The following TAX1BP1 variants were observed in gnomAD, a reference collection of about 807,000 sequenced individuals.
TAX1BP1 encodes the protein Tax1 binding protein 1, also known as tax1-binding protein 1.
A neutral mutation model predicts 97.7 loss-of-function variants in TAX1BP1; 62 were observed. The observed-to-expected ratio is 0.63, with a 90% confidence interval of 0.52 to 0.78. The LOEUF (loss-of-function observed/expected upper bound fraction) is 0.78, where lower values mean the gene tolerates loss of function less well. TAX1BP1 is among the 30% of genes least tolerant of loss of function. The pLI, the probability that TAX1BP1 is intolerant of heterozygous loss-of-function variation, is 0.00. For missense variants in TAX1BP1, 867 were observed against 916.1 expected (o/e 0.95, Z 0.69); for synonymous variants, 340 against 304.2 (o/e 1.12, Z -1.23).
intron 15 of TAX1BP1, among the ~76,000 whole-genome samples, chr7:27,819,440 A>G (rs1406135817): frequency 2.6e-5 from 4 of 152,178 alleles, no homozygotes; most frequent in East Asian, 1.9e-4. Context: ...GATTTTCACA[A>G]TGTGGCACTT....
At chr7:27,812,741 T>C (rs543056388) in intron 13 of TAX1BP1, among the ~76,000 whole-genome samples, 9 of 152,324 alleles carry the variant, frequency 5.9e-5, no homozygotes, top group African/African-American at 1.9e-4. Context: ...TTTTCCTCCA[T>C]AGAATTTCCT....
chr7:27,812,764 G>A, intron 13 of TAX1BP1, among the ~76,000 whole-genome samples: 1 of 151,986 alleles, frequency 6.6e-6, no homozygotes, highest in Non-Finnish European at 1.5e-5. Context: ...ACATCTTGAG[G>A]TATTTTAAAT....
At chr7:27,801,592 C>T (rs2128320574) in intron 13 of TAX1BP1, among the ~76,000 whole-genome samples, 1 of 152,228 alleles carries the variant, frequency 6.6e-6, no homozygotes, top group Non-Finnish European at 1.5e-5. Context: ...ACATAAGGCA[C>T]AGTGCTATGC....
intron 15 of TAX1BP1, among the ~76,000 whole-genome samples, chr7:27,824,476 T>C (rs1198215438): frequency 7.1e-6 from 1 of 141,162 alleles, no homozygotes; most frequent in Non-Finnish European, 1.5e-5. Context: ...ATTGCTGGAG[T>C]CCAGGAGGTC....
Position 27,785,389 on chromosome 7 carries a change from C to T in TAX1BP1, c.762-10C>T, listed in dbSNP as rs1296951118. The stretch of plus-strand genomic sequence containing the variant: ...AACATTATAATGTTACTTTATCATA[C>T]CTATCTTAGTTTAAAGGACAAACTC... On this transcript the variant is annotated splice_polypyrimidine_tract_variant and intron_variant, in intron 6 of 16. Coordinates refer to ENST00000396319, the MANE Select transcript of TAX1BP1 (RefSeq NM_006024.7). 3 of 1,605,722 alleles carry T rather than the reference C, an allele frequency of 1.9e-6. No homozygotes were observed. In the African/African-American group the frequency reaches 4.0e-5, roughly 22 times the overall value.
At chr7:27,748,079 GGAAATGTTAATT>G (rs1376938413) in intron 1 of TAX1BP1, among the ~76,000 whole-genome samples, 1 of 152,030 alleles carries the variant, frequency 6.6e-6, no homozygotes, top group Non-Finnish European at 1.5e-5. Flanking sequence ...TACATAGGAA[GGAAATGTTAATT>G]GACCCATAGC....
Position 27,829,148 on chromosome 7 carries a change from C to T in TAX1BP1, c.*319C>T, listed in dbSNP as rs183483565. 1.4e-4 allele frequency: 30 copies of T among 215,694 alleles called. No individual in the cohort carries two copies. The highest frequency in any genetic ancestry group is 2.1e-4 in the East Asian group (2 of 9,728). The allele number at this position is 215,694 out of a possible 1,614,324, so 13.4% of individuals were successfully genotyped here. ...ATTTCAATGTTACTGCACTGAAAAACGTGTATGTATTAGTGTGCTAGATTA... is the reference window on the plus strand; with the variant it reads ...ATTTCAATGTTACTGCACTGAAAAATGTGTATGTATTAGTGTGCTAGATTA... On this transcript the variant is annotated 3_prime_UTR_variant, in exon 17 of 17. Transcript: ENST00000396319.
chr7:27,827,614 T>C (rs749850814), intron 15 of TAX1BP1, 124 bp from the exon 16 acceptor site: 59 of 699,456 alleles, frequency 8.4e-5, no homozygotes, highest in Non-Finnish European at 1.3e-4. Flanking sequence ...AATTAAATGA[T>C]AGCAGAGAGA....
rs527744414 is a variant in TAX1BP1, at chr7:27,742,497, TCATAGATTAA to T, written c.-8+2231_-8+2240del. Among the ~76,000 whole-genome samples, 1,002 of 152,270 alleles carry T rather than the reference TCATAGATTAA, an allele frequency of 6.6e-3. 13 individuals are homozygous for T. The highest frequency in any genetic ancestry group is 0.023 in the African/African-American group (954 of 41,544). ...AGAGAGCACGGGGTTGGTGGTAAGG[TCATAGATTAA>T]CAGAATCTCAAGGCAGAATAATTTT... is the stretch of plus-strand genomic sequence containing the variant. On this transcript the variant is annotated intron_variant, in intron 1 of 16. Coordinates refer to ENST00000396319, the MANE Select transcript of TAX1BP1 (RefSeq NM_006024.7).
intron 5 of TAX1BP1, among the ~76,000 whole-genome samples, chr7:27,771,154 C>A (rs1394860229): frequency 1.7e-5 from 1 of 59,936 alleles, no homozygotes; most frequent in Non-Finnish European, 3.3e-5. Flanking sequence ...AATTCTCTTG[C>A]TGCTTTGTGT....
At chr7:27,825,004 A>C (rs1791120195) in intron 15 of TAX1BP1, among the ~76,000 whole-genome samples, 1 of 151,886 alleles carries the variant, frequency 6.6e-6, no homozygotes, top group African/African-American at 2.4e-5. Flanking sequence ...TGAAACTGAT[A>C]ATTTAATAAT....
At chr7:27,818,401 A>T (rs955561566) in intron 15 of TAX1BP1, among the ~76,000 whole-genome samples, 1 of 152,252 alleles carries the variant, frequency 6.6e-6, no homozygotes, top group Non-Finnish European at 1.5e-5. Context: ...TGTTGTTACA[A>T]CAACAAAAAT....
rs1038511901 is a variant in TAX1BP1 at position 27,817,033 on chromosome 7, A to G, written c.2080A>G (p.Ser694Gly). The change falls in exon 15 of 17, where the codon AGC becomes GGC. Residue 694 changes from serine (S) to glycine (G), a missense_variant. By Grantham distance (56) the Ser-to-Gly change is moderately conservative. Around this residue, in one of 3 missense-constraint regions of TAX1BP1, gnomAD observed 822 missense variants for 851.4 expected, o/e 0.97. Transcript: ENST00000396319. ...RPDGLEDSED[S>G]KEDENVPTAP... ...TGATGGCTTAGAGGACTCTGAGGAT[A>G]GCAAAGTAAATTGAATTTTCATTGT... 1.2e-6 allele frequency: 2 copies of G among 1,601,480 alleles called. No individual in the cohort carries two copies. The highest frequency in any genetic ancestry group is 1.7e-6 in the Non-Finnish European group (2 of 1,176,952).
At chr7:27,781,176 A>C (rs1488921396) in intron 5 of TAX1BP1, among the ~76,000 whole-genome samples, 1 of 152,144 alleles carries the variant, frequency 6.6e-6, no homozygotes, top group Non-Finnish European at 1.5e-5. Context: ...TATTTTCTGT[A>C]AAAGTTGAAT....
At chr7:27,797,355 G>A (rs1287514606) in intron 12 of TAX1BP1, among the ~76,000 whole-genome samples, 3 of 152,040 alleles carry the variant, frequency 2.0e-5, no homozygotes, top group African/African-American at 7.2e-5. Flanking sequence ...CCTTCTTGGT[G>A]TAGTATTCAG....
In TAX1BP1 at chr7:27,818,378, TAAAAA is replaced by T. The variant is rs148881927; in HGVS notation, c.2085+1344_2085+1348del. ...AGTAATTCTTATGTATATTCAGAAT[TAAAAA>T]AAATTCTTGTTGTTACAACAACAAA... On this transcript the variant is annotated intron_variant, in intron 15 of 16. Transcript: ENST00000396319. Among the ~76,000 whole-genome samples the T allele has an allele frequency of 6.2e-3, 943 of 152,190 alleles. 9 individuals are homozygous for T. The highest frequency in any genetic ancestry group is 0.02 in the Middle Eastern group (6 of 294).
At chr7:27,812,118 GT>G (rs1200233710) in intron 13 of TAX1BP1, among the ~76,000 whole-genome samples, 1 of 152,174 alleles carries the variant, frequency 6.6e-6, no homozygotes, top group Non-Finnish European at 1.5e-5. Context: ...CACTGGCAGT[GT>G]ATGAGCATTC....
intron 4 of TAX1BP1, 107 bp from the exon 5 acceptor site, chr7:27,769,569 T>C (rs1404690196): frequency 2.2e-6 from 2 of 910,536 alleles, no homozygotes; most frequent in Non-Finnish European, 1.6e-6. Flanking sequence ...AAGAGTTCTT[T>C]CTGTGAATGT....
Position 27,800,013 on chromosome 7 carries a change from G to C in TAX1BP1, c.1687G>C (p.Glu563Gln). Residue 563 changes from glutamate (E) to glutamine (Q), a missense_variant, in exon 13 of 17, where the codon GAG becomes CAG. By Grantham distance (29) the Glu-to-Gln change is conservative. This residue lies in a region of TAX1BP1 where 822 missense variants were observed against 851.4 expected (regional missense o/e 0.97). Coordinates refer to ENST00000396319, the MANE Select transcript of TAX1BP1 (RefSeq NM_006024.7). The part of the protein sequence containing the change: ...NKYADELAKM[E>Q]LKWKEQVKIA... ...ATATGCTGATGAACTTGCAAAAATG[G>C]AGCTGAAATGGAAAGAACAAGTGAA... 1 of 1,603,902 alleles carries C rather than the reference G, an allele frequency of 6.2e-7. No homozygotes were observed. Among genetic ancestry groups the C allele is most frequent in the Non-Finnish European group, 8.5e-7 (1 of 1,175,420 alleles).
Sources: allele counts gnomAD v4.1 joint callset (sites outside exome capture counted in the v4.1 genomes callset), GRCh38; gene constraint gnomAD v4.1.1; regional missense constraint gnomAD v4.1.1; transcripts MANE v1.5; gene names NCBI Gene and HGNC (gene_info 2026-07-23, HGNC 2026-07-21).